Variants in CSMD1 observed in about 807,000 individuals in gnomAD.
CSMD1 encodes the protein CUB and sushi domain-containing protein 1.
A neutral mutation model predicts 417.5 loss-of-function variants in CSMD1; 213 were observed. The ratio of observed to expected loss-of-function variants is 0.51; its 90% CI spans 0.46 to 0.57. CSMD1 has a LOEUF of 0.57. CSMD1 is among the 20% of genes least tolerant of loss of function. The pLI is 0.00. For missense variants in CSMD1, 6,923 were observed against 4,529.7 expected, an observed-to-expected ratio of 1.53 and a Z score of -15.17; for synonymous variants, 2,862 against 1,736.8, an observed-to-expected ratio of 1.65 and a Z score of -16.11.
intron 1 of CSMD1, among the ~76,000 whole-genome samples, chr8:4,707,742 C>CCGGG (rs1299772597): frequency 6.6e-6 from 1 of 151,834 alleles, no homozygotes; most frequent in East Asian, 1.9e-4. Flanking sequence ...CAAAAATTAG[C>CCGGG]CGGGCGTCGT....
At chr8:3,754,793 C>A (rs185944303) in intron 5 of CSMD1, among the ~76,000 whole-genome samples, 1 of 152,240 alleles carries the variant, frequency 6.6e-6, no homozygotes, top group Non-Finnish European at 1.5e-5. Flanking sequence ...AAGTAGACGC[C>A]AACAAACTGT....
intron 23 of CSMD1, among the ~76,000 whole-genome samples, chr8:3,313,947 A>T (rs1563261924): frequency 6.6e-6 from 1 of 152,220 alleles, no homozygotes; most frequent in African/African-American, 2.4e-5. Flanking sequence ...GCCATAAAAA[A>T]TGATGAGTTC....
chr8:4,096,722 T>A (rs17404267), intron 3 of CSMD1, among the ~76,000 whole-genome samples: 13,804 of 152,230 alleles, frequency 0.091, 699 homozygotes, highest in Middle Eastern at 0.19. Flanking sequence ...TAGGTAATCA[T>A]CTGAGAAAAT....
chr8:3,291,125 A>C (rs190538981), intron 25 of CSMD1, among the ~76,000 whole-genome samples: 4 of 152,134 alleles, frequency 2.6e-5, no homozygotes, highest in Non-Finnish European at 5.9e-5. Flanking sequence ...GCTAGATTAC[A>C]TTTATTGATT....
At chr8:4,693,392 G>A (rs1441152918) in intron 1 of CSMD1, among the ~76,000 whole-genome samples, 1 of 152,192 alleles carries the variant, frequency 6.6e-6, no homozygotes, top group African/African-American at 2.4e-5. Context: ...ATGGTAGGAG[G>A]ACTTCCTGGA....
At chr8:4,809,691 G>C (rs1798786460) in intron 1 of CSMD1, among the ~76,000 whole-genome samples, 2 of 152,186 alleles carry the variant, frequency 1.3e-5, no homozygotes, top group Non-Finnish European at 2.9e-5. Context: ...AACTGAGTTT[G>C]ATATCTAGCC....
intron 1 of CSMD1, among the ~76,000 whole-genome samples, chr8:4,703,634 C>T (rs1013406152): frequency 2.0e-5 from 3 of 152,018 alleles, no homozygotes; most frequent in Admixed American, 6.6e-5. Flanking sequence ...CTGGGGATTT[C>T]TAAATATTTC....
chr8:4,326,431 G>T (rs1035860685), intron 3 of CSMD1, among the ~76,000 whole-genome samples: 13 of 152,138 alleles, frequency 8.5e-5, no homozygotes, highest in African/African-American at 3.1e-4. Flanking sequence ...CAATTAGGCA[G>T]CTACTGAGCA....
chr8:3,529,839 A>C (rs1226024501), intron 10 of CSMD1, among the ~76,000 whole-genome samples: 1 of 152,156 alleles, frequency 6.6e-6, no homozygotes, highest in Non-Finnish European at 1.5e-5. Context: ...GTAAGCCTAC[A>C]TTTTCTTGGA....
At chr8:3,520,253 G>C (rs946711288) in intron 10 of CSMD1, among the ~76,000 whole-genome samples, 4 of 151,930 alleles carry the variant, frequency 2.6e-5, no homozygotes, top group Admixed American at 1.3e-4. Context: ...TGGCCAGAGA[G>C]GAAGCACCAT....
At chr8:3,582,964 T>C (rs28647669) in intron 9 of CSMD1, among the ~76,000 whole-genome samples, 46,380 of 152,012 alleles carry the variant, frequency 0.31, 7,527 homozygotes, top group African/African-American at 0.41. Context: ...ACTACCTTAT[T>C]AACTGACTAA....
chr8:4,118,444 C>T (rs1394356024), intron 3 of CSMD1, among the ~76,000 whole-genome samples: 1 of 151,142 alleles, frequency 6.6e-6, no homozygotes, highest in Non-Finnish European at 1.5e-5. Flanking sequence ...TATGGACAGT[C>T]ACTTCTCAAA....
chr8:3,757,836 C>G (rs1049765645), intron 5 of CSMD1, among the ~76,000 whole-genome samples: 1 of 145,272 alleles, frequency 6.9e-6, no homozygotes, highest in African/African-American at 2.6e-5. Context: ...GTGAAAAGAG[C>G]GAGACTTCAT....
At chr8:4,961,245 T>A (rs184539689) in intron 1 of CSMD1, among the ~76,000 whole-genome samples, 313 of 152,326 alleles carry the variant, frequency 2.1e-3, no homozygotes, top group African/African-American at 7.3e-3. Flanking sequence ...TCTGCAGTTA[T>A]ATAAAATCCT....
chr8:4,898,014 G>T (rs1169066101), intron 1 of CSMD1, among the ~76,000 whole-genome samples: 1 of 152,076 alleles, frequency 6.6e-6, no homozygotes, highest in Non-Finnish European at 1.5e-5. Flanking sequence ...TGGAAAAACA[G>T]ACTTCAGTTT....
At chr8:4,397,036 A>G (rs533841891) in intron 3 of CSMD1, among the ~76,000 whole-genome samples, 1 of 146,664 alleles carries the variant, frequency 6.8e-6, no homozygotes, top group South Asian at 2.1e-4. Flanking sequence ...AAATTAAAAA[A>G]AAAATAAAGA....
chr8:4,504,659 T>C (rs1164905079), intron 2 of CSMD1, among the ~76,000 whole-genome samples: 2 of 152,044 alleles, frequency 1.3e-5, no homozygotes, highest in African/African-American at 4.8e-5. Context: ...CAAACCCCAG[T>C]GTGTGATGTT....
intron 5 of CSMD1, among the ~76,000 whole-genome samples, chr8:3,847,745 G>A (rs35996212): frequency 0.21 from 32,327 of 152,040 alleles, 4,571 homozygotes; most frequent in African/African-American, 0.41. Flanking sequence ...TGACACTGCA[G>A]TTCCAGCTCC....
chr8:3,970,657 C>A (rs766516251), intron 5 of CSMD1, among the ~76,000 whole-genome samples: 6 of 152,206 alleles, frequency 3.9e-5, no homozygotes, highest in Non-Finnish European at 5.9e-5. Flanking sequence ...ACATGAACAT[C>A]AAGTAGCACG....
Sources: gnomAD v4.1 joint callset for allele counts (sites outside exome capture counted in the v4.1 genomes callset) on GRCh38, gnomAD v4.1.1 for gene constraint, MANE v1.5 for transcripts, NCBI Gene and HGNC (gene_info 2026-07-23, HGNC 2026-07-21) for gene names.